GRIA4: variants seen among roughly 807,000 people sequenced by gnomAD.
GRIA4 encodes glutamate receptor 4.
In GRIA4, 34 loss-of-function variants were observed where a neutral mutation model predicts 104.0. That is an observed-to-expected ratio of 0.33 (90% confidence interval 0.25 to 0.44). The LOEUF is 0.44. Among genes scored for constraint, GRIA4 ranks in the 20% least tolerant of loss-of-function variants. GRIA4 has a pLI of 1.00. For synonymous variants in GRIA4, 386 were observed against 381.9 expected (o/e 1.01, Z -0.13); for missense variants, 750 against 1,096.5 (o/e 0.68, Z 4.46).
Position 105,885,364 on chromosome 11 carries a change from G to A in GRIA4, c.673-2155G>A, listed in dbSNP as rs577322089. ...TTGCTTGTCCTCATCTTCATGGTAA[G>A]ATTCTCAAGGAAAGTTCTATTTTAG... On this transcript the variant is annotated intron_variant, in intron 5 of 16. Transcript: ENST00000282499. 3.9e-5 allele frequency among the ~76,000 whole-genome samples: 6 copies of A among 152,296 alleles called. No individual in the cohort carries two copies. In the East Asian group the frequency reaches 7.7e-4, roughly 20 times the overall value.
chr11:105,896,734 A>C (rs190821762), intron 6 of GRIA4, among the ~76,000 whole-genome samples: 64 of 151,914 alleles, frequency 4.2e-4, no homozygotes, highest in African/African-American at 1.4e-3. Flanking sequence ...ATGTGACTTT[A>C]TTTCTGGTTT....
chr11:105,914,101 T>C (rs988971179), intron 10 of GRIA4, among the ~76,000 whole-genome samples: 1 of 151,786 alleles, frequency 6.6e-6, no homozygotes, highest in Non-Finnish European at 1.5e-5. Context: ...AATTAAAATG[T>C]ATTTTCTTCC....
At chr11:105,870,287 A>G (rs1945565735) in intron 5 of GRIA4, among the ~76,000 whole-genome samples, 1 of 151,516 alleles carries the variant, frequency 6.6e-6, no homozygotes, top group Non-Finnish European at 1.5e-5. Context: ...TAATATAATT[A>G]TATAAATATT....
chr11:105,625,602 C>A (rs914602997), intron 3 of GRIA4, among the ~76,000 whole-genome samples: 4 of 152,064 alleles, frequency 2.6e-5, no homozygotes, highest in Non-Finnish European at 5.9e-5. Flanking sequence ...ACACAATACA[C>A]CCCTGTTACG....
chr11:105,681,666 G>T (rs1952713889), intron 3 of GRIA4, among the ~76,000 whole-genome samples: 1 of 152,100 alleles, frequency 6.6e-6, no homozygotes, highest in Admixed American at 6.5e-5. Context: ...AAAAAAACTT[G>T]TTGAATGCCT....
At chr11:105,976,783 C>T (rs535076909) in intron 16 of GRIA4, among the ~76,000 whole-genome samples, 1 of 151,994 alleles carries the variant, frequency 6.6e-6, no homozygotes, top group South Asian at 2.1e-4. Flanking sequence ...AAAACCCAGA[C>T]CATATGTAAA....
chr11:105,654,084 TG>T (rs2135391448), intron 3 of GRIA4, among the ~76,000 whole-genome samples: 1 of 144,084 alleles, frequency 6.9e-6, no homozygotes, highest in African/African-American at 2.6e-5. Context: ...TGGATGAACC[TG>T]GAAGACATTA....
chr11:105,860,526 C>T (rs2136015600), intron 4 of GRIA4, among the ~76,000 whole-genome samples: 1 of 152,230 alleles, frequency 6.6e-6, no homozygotes, highest in East Asian at 1.9e-4. Context: ...TTAAAGAGGA[C>T]TAGAATATTC....
chr11:105,872,839 T>C (rs1241105509), intron 5 of GRIA4, among the ~76,000 whole-genome samples: 1 of 152,164 alleles, frequency 6.6e-6, no homozygotes, highest in Non-Finnish European at 1.5e-5. Flanking sequence ...TGTGAATAGT[T>C]TAATTTTTTG....
intron 14 of GRIA4, among the ~76,000 whole-genome samples, chr11:105,947,946 T>C (rs569159933): frequency 6.6e-6 from 1 of 152,304 alleles, no homozygotes; most frequent in African/African-American, 2.4e-5. Flanking sequence ...ACTTAAAATA[T>C]TTACAGACTC....
At chr11:105,916,106 C>T (rs760092452) in intron 10 of GRIA4, among the ~76,000 whole-genome samples, 10 of 152,082 alleles carry the variant, frequency 6.6e-5, no homozygotes, top group Admixed American at 3.3e-4. Context: ...ATCGCTTGAA[C>T]CCGGAAGGCA....
At chr11:105,910,753 T>C (rs1947207604) in intron 10 of GRIA4, among the ~76,000 whole-genome samples, 2 of 151,746 alleles carry the variant, frequency 1.3e-5, no homozygotes, top group Non-Finnish European at 1.5e-5. Flanking sequence ...TTTTGTCACA[T>C]TGTTGTTCTT....
chr11:105,635,666 G>A (rs191193973), intron 3 of GRIA4, among the ~76,000 whole-genome samples: 9 of 152,274 alleles, frequency 5.9e-5, no homozygotes, highest in Admixed American at 5.2e-4. Context: ...CTCAGTCCAT[G>A]CGGAGCTTCC....
At chr11:105,659,737 T>C (rs1951950693) in intron 3 of GRIA4, among the ~76,000 whole-genome samples, 1 of 151,844 alleles carries the variant, frequency 6.6e-6, no homozygotes, top group African/African-American at 2.4e-5. Flanking sequence ...TTTTATTTCC[T>C]AATTCTAAAA....
chr11:105,973,613 T>G (rs908292584), intron 15 of GRIA4, among the ~76,000 whole-genome samples: 11 of 152,068 alleles, frequency 7.2e-5, no homozygotes, highest in Non-Finnish European at 1.5e-4. Context: ...CATAATAATT[T>G]ATATATTTTT....
chr11:105,673,684 C>G (rs1462092973), intron 3 of GRIA4, among the ~76,000 whole-genome samples: 1 of 151,938 alleles, frequency 6.6e-6, no homozygotes, highest in South Asian at 2.1e-4. Flanking sequence ...CATTTTTTCC[C>G]ACATTCATCT....
At chr11:105,646,575 G>A (rs1206805901) in intron 3 of GRIA4, among the ~76,000 whole-genome samples, 1 of 152,060 alleles carries the variant, frequency 6.6e-6, no homozygotes, top group Non-Finnish European at 1.5e-5. Context: ...AAACAGCTTG[G>A]TACTGGTACA....
chr11:105,834,967 T>C (rs1213809514), intron 4 of GRIA4, among the ~76,000 whole-genome samples: 1 of 152,088 alleles, frequency 6.6e-6, no homozygotes, highest in Non-Finnish European at 1.5e-5. Context: ...TCAATATATG[T>C]ATAAGATCAG....
chr11:105,769,261 T>C (rs1198555263), intron 4 of GRIA4, among the ~76,000 whole-genome samples: 5 of 152,228 alleles, frequency 3.3e-5, no homozygotes, highest in Middle Eastern at 3.4e-3. Flanking sequence ...TGTGTTCTGA[T>C]TGAGGCACAT....
Sources: gnomAD v4.1 joint callset for allele counts (sites outside exome capture counted in the v4.1 genomes callset) on GRCh38, gnomAD v4.1.1 for gene constraint, MANE v1.5 for transcripts, NCBI Gene and HGNC (gene_info 2026-07-23, HGNC 2026-07-21) for gene names.